Variants in SP140L observed in about 807,000 individuals in gnomAD.
SP140L encodes the protein SP140 like nuclear body protein, also known as nuclear body protein SP140-like protein.
A neutral mutation model predicts 84.3 loss-of-function variants in SP140L; 64 were observed. The ratio of observed to expected loss-of-function variants is 0.76; its 90% confidence interval spans 0.62 to 0.94. The LOEUF (loss-of-function observed/expected upper bound fraction) is 0.94. Ranked by LOEUF, SP140L falls within the 40% of genes least tolerant of loss-of-function variation. SP140L has a pLI of 0.00. For synonymous variants in SP140L, 242 were observed against 236.9 expected (o/e 1.02, Z -0.20); for missense variants, 628 against 692.5 (o/e 0.91, Z 1.05).
intron 2 of SP140L, among the ~76,000 whole-genome samples, chr2:230,350,444 AGTT>A (rs371541139): frequency 1.2e-4 from 18 of 152,172 alleles, no homozygotes; most frequent in Non-Finnish European, 2.1e-4. Flanking sequence ...GTTATTGTGG[AGTT>A]GTTGTTGTTG....
intron 5 of SP140L, among the ~76,000 whole-genome samples, chr2:230,367,289 TTTTTTC>T (rs1048233217): frequency 9.5e-6 from 1 of 105,338 alleles, no homozygotes; most frequent in Non-Finnish European, 1.8e-5. Flanking sequence ...TTTCTTTCTT[TTTTTTC>T]TTTTTTTTTT....
intron 7 of SP140L, among the ~76,000 whole-genome samples, chr2:230,379,384 A>G (rs1438447493): frequency 6.6e-6 from 1 of 152,090 alleles, no homozygotes. Flanking sequence ...AAATTTCTGT[A>G]ATCTTATTAA....
At position 230,357,809 on chromosome 2, in the gene SP140L, T is replaced by C. The variant is rs779728675; in HGVS notation, c.112T>C (p.Phe38Leu). The change falls in exon 3 of 19, where the codon TTC (phenylalanine) becomes CTC (leucine). Residue 38 changes from phenylalanine (F) to leucine (L), a missense_variant. This residue lies in a region of SP140L where 525 missense variants were observed against 518.4 expected (regional missense o/e 1.01). Coordinates refer to ENST00000415673, the MANE Select transcript of SP140L (RefSeq NM_138402.6). Reference sequence around the variant, plus strand: ...TTTGGTGTCCTTTTTCCTTAGGCTGTTCACGGAAGACCAGGATGTAGATGA... The same window carrying C: ...TTTGGTGTCCTTTTTCCTTAGGCTGCTCACGGAAGACCAGGATGTAGATGA... The part of the protein sequence containing the change: ...PAHSQSLQRL[F>L]TEDQDVDEGL... The C allele has an allele frequency of 2.2e-5, 35 of 1,609,316 alleles. No homozygotes were observed. The highest frequency in any genetic ancestry group is 2.8e-5 in the Non-Finnish European group (33 of 1,178,628).
chr2:230,398,122 A>G (rs1315446057), intron 14 of SP140L, among the ~76,000 whole-genome samples: 3 of 152,194 alleles, frequency 2.0e-5, no homozygotes, highest in African/African-American at 7.2e-5. Flanking sequence ...CTTTAGGGAA[A>G]TTCTAAATTA....
intron 7 of SP140L, among the ~76,000 whole-genome samples, chr2:230,376,597 A>G (rs1200698284): frequency 6.6e-6 from 1 of 152,226 alleles, no homozygotes. Context: ...AAATGGAAAG[A>G]CATATCCTGT....
At chr2:230,361,548 AT>A in intron 4 of SP140L, 65 bp from the exon 5 acceptor site, 1 of 1,297,696 alleles carries the variant, frequency 7.7e-7, no homozygotes, top group African/African-American at 1.5e-5. Flanking sequence ...CTAAAAGCCA[AT>A]TTCCAGGTGT....
chr2:230,385,438 G>A (rs1005643997), intron 9 of SP140L, 134 bp downstream of exon 9: 3 of 734,962 alleles, frequency 4.1e-6, no homozygotes, highest in Middle Eastern at 3.6e-4. Flanking sequence ...CTAAAAAACA[G>A]CAAACCCATT....
intron 11 of SP140L, among the ~76,000 whole-genome samples, chr2:230,391,531 T>C (rs7597033): frequency 0.22 from 33,630 of 152,160 alleles, 4,749 homozygotes; most frequent in Non-Finnish European, 0.31. Flanking sequence ...TTCACAATTA[T>C]TTTTTAATAT....
Position 230,327,236 on chromosome 2 carries a change from G to T in SP140L, c.-34G>T, listed in dbSNP as rs1283203444. The T allele has an allele frequency of 1.9e-6, 3 of 1,601,150 alleles. No homozygotes were observed. Among genetic ancestry groups the T allele is most frequent in the Non-Finnish European group, 8.5e-7 (1 of 1,173,820 alleles). On this transcript the variant is annotated 5_prime_UTR_variant, in exon 1 of 19. Coordinates refer to ENST00000415673, the MANE Select transcript of SP140L (RefSeq NM_138402.6). The stretch of plus-strand genomic sequence containing the variant: ...GCCGACTGGGGAGCTCATAGGCCAG[G>T]CTCTGACACCCAGGCAGGGCCTAGG...
At chr2:230,356,432 C>T (rs1416974787) in intron 2 of SP140L, among the ~76,000 whole-genome samples, 1 of 152,172 alleles carries the variant, frequency 6.6e-6, no homozygotes, top group Non-Finnish European at 1.5e-5. Flanking sequence ...AACAAACTAA[C>T]TGTTCAACAC....
intron 7 of SP140L, among the ~76,000 whole-genome samples, chr2:230,378,832 G>T (rs2061325317): frequency 6.6e-6 from 1 of 152,092 alleles, no homozygotes; most frequent in Admixed American, 6.6e-5. Context: ...TTAAATATGG[G>T]TTCATAGTAA....
chr2:230,352,394 G>C (rs1323751523), intron 2 of SP140L, among the ~76,000 whole-genome samples: 1 of 152,130 alleles, frequency 6.6e-6, no homozygotes, highest in East Asian at 1.9e-4. Context: ...TTATGGTAGA[G>C]GGTGAAGGGA....
chr2:230,400,987 A>G lies in SP140L; in HGVS notation c.1346A>G (p.Lys449Arg), dbSNP rs1448551406. The G allele has an allele frequency of 1.9e-5, 29 of 1,538,128 alleles. No homozygotes were observed. Among genetic ancestry groups the G allele is most frequent in the Non-Finnish European group, 2.4e-5 (27 of 1,130,116 alleles). ...TPWNCIFCRM[K>R]ESPGSQQCCQ... ...TGGAATTGCATCTTCTGCAGGATGA[A>G]GGAGTCTCCGGGAAGCCAACAGTGT... The change falls in exon 16 of 19, where the codon AAG (lysine) becomes AGG (arginine). Residue 449 changes from lysine to arginine, a missense_variant. Transcript: ENST00000415673.
chr2:230,387,751 C>A (rs766973489), intron 9 of SP140L, among the ~76,000 whole-genome samples: 1 of 152,154 alleles, frequency 6.6e-6, no homozygotes, highest in African/African-American at 2.4e-5. Context: ...AATTAACATG[C>A]ACTTGGGAGA....
chr2:230,367,059 C>G (rs2060902787), intron 5 of SP140L, among the ~76,000 whole-genome samples: 1 of 151,862 alleles, frequency 6.6e-6, no homozygotes, highest in Admixed American at 6.6e-5. Flanking sequence ...CTTTCTTTCT[C>G]TCTTCCTTCG....
intron 7 of SP140L, among the ~76,000 whole-genome samples, chr2:230,375,676 A>C (rs538663820): frequency 1.3e-5 from 2 of 152,158 alleles, no homozygotes; most frequent in African/African-American, 4.8e-5. Flanking sequence ...TTTATAACCC[A>C]TTGGCTATTT....
At chr2:230,365,897 C>T (rs1050794947) in intron 5 of SP140L, among the ~76,000 whole-genome samples, 5 of 151,982 alleles carry the variant, frequency 3.3e-5, no homozygotes, top group Non-Finnish European at 7.4e-5. Context: ...ATTGGCTGCT[C>T]AAGAGTGTGT....
intron 2 of SP140L, among the ~76,000 whole-genome samples, chr2:230,330,893 C>T (rs1413080077): frequency 6.6e-6 from 1 of 152,200 alleles, no homozygotes; most frequent in East Asian, 1.9e-4. Context: ...TCCATCCCGC[C>T]CAGGATGCGA....
At chr2:230,343,431 G>A (rs1280499168) in intron 2 of SP140L, among the ~76,000 whole-genome samples, 4 of 147,926 alleles carry the variant, frequency 2.7e-5, no homozygotes, top group East Asian at 3.9e-4. Flanking sequence ...ATTTATGGGT[G>A]CATAGTATTC....
Sources: allele counts gnomAD v4.1 joint callset (sites outside exome capture counted in the v4.1 genomes callset), GRCh38; gene constraint gnomAD v4.1.1; regional missense constraint gnomAD v4.1.1; transcripts MANE v1.5; gene names NCBI Gene and HGNC (gene_info 2026-07-23, HGNC 2026-07-21).